The following ACTR3C variants were observed in gnomAD, a reference collection of about 807,000 sequenced individuals.
ACTR3C encodes the protein actin-related protein 3C.
In ACTR3C, 18 loss-of-function variants were observed where a neutral mutation model predicts 26.3. The ratio of observed to expected loss-of-function variants is 0.68; its 90% CI spans 0.47 to 1.01. The LOEUF is 1.01. Ranked by LOEUF, ACTR3C falls within the 50% of genes least tolerant of loss-of-function variation. The pLI is 0.00. For missense variants in ACTR3C, 184 were observed against 250.7 expected, an observed-to-expected ratio of 0.73 and a Z score of 1.80; for synonymous variants, 55 against 94.5, an observed-to-expected ratio of 0.58 and a Z score of 2.42.
chr7:150,280,798 A>ATTTGTG (rs1835256339), intron 6 of ACTR3C, among the ~76,000 whole-genome samples: 1 of 147,484 alleles, frequency 6.8e-6, no homozygotes, highest in South Asian at 2.2e-4. Context: ...CCTGCTCTTG[A>ATTTGTG]TGTGTGTGTG....
chr7:150,031,417 T>C, the ACTR3C span, among the ~76,000 whole-genome samples: 1 of 152,134 alleles, frequency 6.6e-6, no homozygotes, highest in African/African-American at 2.4e-5. Context: ...GCCAGTGGGA[T>C]ACCAAGGCGG....
chr7:150,071,193 A>G, the ACTR3C span, among the ~76,000 whole-genome samples: 3 of 151,460 alleles, frequency 2.0e-5, no homozygotes, highest in Non-Finnish European at 2.9e-5. Flanking sequence ...GTGCGATCTC[A>G]GCTCACTGCA....
the ACTR3C span, among the ~76,000 whole-genome samples, chr7:150,154,397 G>T: frequency 6.6e-6 from 1 of 151,400 alleles, no homozygotes; most frequent in Admixed American, 6.6e-5. Flanking sequence ...CATTTATATT[G>T]TACTTTCTTG....
the ACTR3C span, among the ~76,000 whole-genome samples, chr7:149,982,427 G>A: frequency 6.6e-6 from 1 of 151,998 alleles, no homozygotes; most frequent in African/African-American, 2.4e-5. Context: ...TTTTATTATT[G>A]TGTCAAGCTC....
At chr7:150,146,167 C>A in the ACTR3C span, among the ~76,000 whole-genome samples, 1 of 151,736 alleles carries the variant, frequency 6.6e-6, no homozygotes, top group East Asian at 1.9e-4. Flanking sequence ...TGAAAATTTA[C>A]AATAAAAATA....
chr7:150,108,226 C>T, the ACTR3C span, among the ~76,000 whole-genome samples: 19,722 of 147,456 alleles, frequency 0.13, 1,481 homozygotes, highest in African/African-American at 0.18. Context: ...CACACTTACA[C>T]TGGAGAAAGA....
chr7:150,316,896 G>T (rs1796983942), intron 1 of ACTR3C, among the ~76,000 whole-genome samples: 1 of 152,052 alleles, frequency 6.6e-6, no homozygotes, highest in Admixed American at 6.6e-5. Flanking sequence ...TCCTGCCCCT[G>T]AACATGATAA....
the ACTR3C span, among the ~76,000 whole-genome samples, chr7:150,067,724 A>AC: frequency 1.9e-5 from 2 of 103,764 alleles, no homozygotes; most frequent in African/African-American, 7.7e-5. Flanking sequence ...GTATAAAGCC[A>AC]CCTTTAAAGG....
the ACTR3C span, among the ~76,000 whole-genome samples, chr7:150,210,863 C>T: frequency 1.4e-5 from 2 of 143,838 alleles, no homozygotes; most frequent in Non-Finnish European, 3.0e-5. Context: ...CTTATTAAAC[C>T]GTACATTCTA....
At chr7:150,305,338 C>T (rs139550868) in intron 1 of ACTR3C, among the ~76,000 whole-genome samples, 1,779 of 152,244 alleles carry the variant, frequency 0.012, 37 homozygotes, top group African/African-American at 0.041. Flanking sequence ...TCTCACCCTA[C>T]GCCCTCCTCG....
intron 6 of ACTR3C, among the ~76,000 whole-genome samples, chr7:150,256,836 T>C (rs1362504033): frequency 3.3e-5 from 5 of 152,146 alleles, no homozygotes; most frequent in Non-Finnish European, 7.3e-5. Flanking sequence ...TTAACTGACA[T>C]GTAGAGAACA....
the ACTR3C span, among the ~76,000 whole-genome samples, chr7:150,165,783 G>A: frequency 1.4e-5 from 2 of 147,572 alleles, no homozygotes; most frequent in African/African-American, 5.4e-5. Context: ...CTCTACCTCT[G>A]TACACCTGCT....
chr7:150,023,360 T>A, the ACTR3C span, among the ~76,000 whole-genome samples: 7 of 121,332 alleles, frequency 5.8e-5, no homozygotes, highest in African/African-American at 9.3e-5. Context: ...AGAGACAGAG[T>A]TTCACTCTTG....
chr7:149,991,864 G>A, the ACTR3C span, among the ~76,000 whole-genome samples: 1 of 152,154 alleles, frequency 6.6e-6, no homozygotes, highest in Non-Finnish European at 1.5e-5. Flanking sequence ...GGAGTAGCTG[G>A]GACCGCAGGC....
chr7:150,000,502 G>A, the ACTR3C span, among the ~76,000 whole-genome samples: 15,943 of 65,068 alleles, frequency 0.25, 908 homozygotes, highest in South Asian at 0.34. Flanking sequence ...GATTATTTAC[G>A]GCATTTCACT....
the ACTR3C span, among the ~76,000 whole-genome samples, chr7:150,150,100 C>T: frequency 4.6e-5 from 7 of 151,974 alleles, no homozygotes; most frequent in African/African-American, 1.7e-4. Context: ...TAGTTGGAGG[C>T]AGGAAGAAGA....
the ACTR3C span, among the ~76,000 whole-genome samples, chr7:150,042,154 G>T: frequency 1.9e-4 from 7 of 37,638 alleles, no homozygotes; most frequent in African/African-American, 6.2e-4. Flanking sequence ...GGAACCAGGG[G>T]CTGGCTCTCA....
At chr7:149,904,854 T>A in the ACTR3C span, among the ~76,000 whole-genome samples, 4 of 147,760 alleles carry the variant, frequency 2.7e-5, no homozygotes, top group Non-Finnish European at 4.5e-5. Context: ...ATTAGCTGGA[T>A]GTCTCTACTA....
the ACTR3C span, among the ~76,000 whole-genome samples, chr7:150,212,279 T>TA: frequency 0.023 from 3,330 of 143,096 alleles, 248 homozygotes; most frequent in African/African-American, 0.096. Context: ...GCTTTTGACT[T>TA]AAAAAAAATC....
Sources: allele counts gnomAD v4.1 joint callset (sites outside exome capture counted in the v4.1 genomes callset), GRCh38; gene constraint gnomAD v4.1.1; transcripts MANE v1.5; gene names NCBI Gene and HGNC (gene_info 2026-07-23, HGNC 2026-07-21).